The following DOCK1 variants were observed in gnomAD, a reference collection of about 807,000 sequenced individuals.
DOCK1 encodes the protein dedicator of cytokinesis protein 1.
A neutral mutation model predicts 262.7 loss-of-function variants in DOCK1; 138 were observed. That is an observed-to-expected ratio of 0.53 (90% CI 0.46 to 0.61). DOCK1 has a LOEUF of 0.61. DOCK1 is among the 20% of genes least tolerant of loss of function. The pLI is 0.00. For missense variants in DOCK1, 1,908 were observed against 2,370.7 expected (o/e 0.80, Z 4.05); for synonymous variants, 866 against 867.4 (o/e 1.00, Z 0.03).
chr10:127,413,516 C>G (rs575940421), intron 43 of DOCK1, among the ~76,000 whole-genome samples: 1 of 152,166 alleles, frequency 6.6e-6, no homozygotes, highest in Non-Finnish European at 1.5e-5. Context: ...CCCACCAGGC[C>G]GAGAGCAGTG....
intron 1 of DOCK1, among the ~76,000 whole-genome samples, chr10:126,927,568 C>T (rs898516908): frequency 8.8e-4 from 134 of 152,180 alleles, no homozygotes; most frequent in East Asian, 8.5e-3. Flanking sequence ...TCCCGAGTAG[C>T]TAGAATAACA....
At chr10:127,190,112 T>G (rs1464903047) in intron 27 of DOCK1, among the ~76,000 whole-genome samples, 1 of 152,226 alleles carries the variant, frequency 6.6e-6, no homozygotes, top group African/African-American at 2.4e-5. Context: ...TCTCCTTATT[T>G]GCTTCTTTTA....
chr10:127,353,559 G>A (rs529350348), intron 31 of DOCK1, among the ~76,000 whole-genome samples: 108 of 152,302 alleles, frequency 7.1e-4, no homozygotes, highest in Non-Finnish European at 1.0e-3. Flanking sequence ...CTCCTTAACC[G>A]AGTCTGCCTG....
chr10:127,244,376 T>C (rs952839320), intron 27 of DOCK1, among the ~76,000 whole-genome samples: 4 of 152,250 alleles, frequency 2.6e-5, no homozygotes, highest in African/African-American at 9.6e-5. Flanking sequence ...TGAAATTTTC[T>C]ATTTTGAATT....
chr10:127,326,290 A>C (rs1175152662), intron 29 of DOCK1, among the ~76,000 whole-genome samples: 2 of 152,214 alleles, frequency 1.3e-5, no homozygotes, highest in Admixed American at 6.5e-5. Context: ...ACACACACTA[A>C]AACTTCTTTT....
At chr10:127,222,264 G>A (rs1018643222) in intron 27 of DOCK1, among the ~76,000 whole-genome samples, 2 of 152,100 alleles carry the variant, frequency 1.3e-5, no homozygotes, top group Non-Finnish European at 2.9e-5. Context: ...TGCGCTTACC[G>A]ATGGCCTGTT....
intron 38 of DOCK1, among the ~76,000 whole-genome samples, chr10:127,397,964 G>A (rs1044545047): frequency 3.3e-5 from 5 of 152,162 alleles, no homozygotes; most frequent in African/African-American, 1.2e-4. Context: ...AGCGACTCCT[G>A]TATTACACAA....
At chr10:127,308,184 C>T (rs565200114) in intron 29 of DOCK1, among the ~76,000 whole-genome samples, 22 of 152,334 alleles carry the variant, frequency 1.4e-4, no homozygotes, top group African/African-American at 5.1e-4. Flanking sequence ...CATTGTTGGC[C>T]TCCATCCTCC....
At chr10:127,067,687 C>T (rs2045960306) in intron 23 of DOCK1, among the ~76,000 whole-genome samples, 1 of 152,064 alleles carries the variant, frequency 6.6e-6, no homozygotes, top group Non-Finnish European at 1.5e-5. Flanking sequence ...TGCTGGTTGA[C>T]AGGCACTAAA....
chr10:127,138,430 C>G (rs555205598), intron 27 of DOCK1, among the ~76,000 whole-genome samples: 1 of 152,124 alleles, frequency 6.6e-6, no homozygotes, highest in Non-Finnish European at 1.5e-5. Flanking sequence ...CACGCAAGGT[C>G]CGTTCCTGTG....
At position 127,451,695 on chromosome 10, in the gene DOCK1, G is replaced by A; in HGVS notation, c.*268G>A. 1 of 572,584 alleles carries A rather than the reference G, an allele frequency of 1.7e-6. No individual in the cohort carries two copies. The highest frequency in any genetic ancestry group is 2.8e-6 in the Non-Finnish European group (1 of 356,274). 35.5% of individuals were successfully genotyped at this position (572,584 alleles called of 1,614,324 possible). A position where few individuals can be genotyped will look rare whatever the true frequency, so the allele number is the denominator to read the frequency against. On this transcript the variant is annotated 3_prime_UTR_variant, in exon 52 of 52. Transcript: ENST00000623213. The stretch of plus-strand genomic sequence containing the variant: ...GGGGCCTCTGAGTGTGTCTGGCTCT[G>A]AGAGAGTCTGAGTCTTGCCCAAACA...
At chr10:127,266,824 C>A (rs2060377411) in intron 29 of DOCK1, among the ~76,000 whole-genome samples, 2 of 152,226 alleles carry the variant, frequency 1.3e-5, no homozygotes, top group South Asian at 4.1e-4. Flanking sequence ...TTTGAGCCTT[C>A]TTCCTCTCCA....
At chr10:127,192,963 C>T (rs547092550) in intron 27 of DOCK1, among the ~76,000 whole-genome samples, 80 of 152,254 alleles carry the variant, frequency 5.3e-4, no homozygotes, top group African/African-American at 1.9e-3. Context: ...CATAGGTTAG[C>T]TCCAGTATTG....
At chr10:126,964,368 A>G (rs1368999363) in intron 1 of DOCK1, among the ~76,000 whole-genome samples, 1 of 152,208 alleles carries the variant, frequency 6.6e-6, no homozygotes, top group African/African-American at 2.4e-5. Flanking sequence ...AGGAAATGCA[A>G]GGTACCTGCA....
chr10:126,938,204 G>C (rs1342406571), intron 1 of DOCK1, among the ~76,000 whole-genome samples: 1 of 152,010 alleles, frequency 6.6e-6, no homozygotes, highest in Non-Finnish European at 1.5e-5. Flanking sequence ...GCACCACCAC[G>C]CCTGGCTAAT....
At chr10:127,406,075 A>T (rs2067497230) in intron 40 of DOCK1, among the ~76,000 whole-genome samples, 1 of 152,182 alleles carries the variant, frequency 6.6e-6, no homozygotes, top group South Asian at 2.1e-4. Flanking sequence ...TCCGGAACAT[A>T]CATCTTTAGG....
intron 1 of DOCK1, among the ~76,000 whole-genome samples, chr10:126,936,941 A>T (rs948575125): frequency 2.6e-5 from 4 of 151,992 alleles, no homozygotes; most frequent in Admixed American, 2.0e-4. Context: ...TCAGACACTA[A>T]CCCTCCCTTC....
chr10:127,198,327 A>G (rs1471146538), intron 27 of DOCK1, among the ~76,000 whole-genome samples: 3 of 152,202 alleles, frequency 2.0e-5, no homozygotes, highest in Admixed American at 1.3e-4. Flanking sequence ...TGTAAATCTT[A>G]CTTTATTGGC....
intron 29 of DOCK1, among the ~76,000 whole-genome samples, chr10:127,289,635 T>C (rs1375494107): frequency 2.0e-5 from 3 of 152,200 alleles, no homozygotes; most frequent in Admixed American, 2.0e-4. Flanking sequence ...GTTGCCAGAC[T>C]TTTGTACCTT....
Sources: allele counts gnomAD v4.1 joint callset (sites outside exome capture counted in the v4.1 genomes callset), GRCh38; gene constraint gnomAD v4.1.1; transcripts MANE v1.5; gene names NCBI Gene and HGNC (gene_info 2026-07-23, HGNC 2026-07-21).